Variants in NUDT3 observed in about 807,000 individuals in gnomAD.
NUDT3 encodes nudix hydrolase 3.
NUDT3 carries 9 observed loss-of-function variants against 23.6 expected under a neutral mutation model. The observed-to-expected ratio is 0.38, with a 90% CI of 0.23 to 0.66. NUDT3 has a LOEUF of 0.66. NUDT3 is among the 30% of genes least tolerant of loss of function. The pLI, the probability that NUDT3 is intolerant of heterozygous loss-of-function variation, is 0.52. For missense variants in NUDT3, 172 were observed against 218.5 expected (o/e 0.79, Z 1.34); for synonymous variants, 86 against 82.6 (o/e 1.04, Z -0.22).
At chr6:34,333,530 C>T (rs968901053) in intron 2 of NUDT3, among the ~76,000 whole-genome samples, 6 of 152,154 alleles carry the variant, frequency 3.9e-5, no homozygotes, top group East Asian at 1.9e-4. Flanking sequence ...GTGTCGGGGA[C>T]GAAAGATGTC....
At chr6:34,310,608 C>G (rs1006737331) in intron 2 of NUDT3, among the ~76,000 whole-genome samples, 1 of 152,176 alleles carries the variant, frequency 6.6e-6, no homozygotes. Flanking sequence ...AGATGGGCCA[C>G]TGGTGAATTC....
At chr6:34,293,884 G>T (rs1288991289) in intron 3 of NUDT3, among the ~76,000 whole-genome samples, 2 of 152,056 alleles carry the variant, frequency 1.3e-5, no homozygotes, top group Non-Finnish European at 2.9e-5. Flanking sequence ...TACCACAGAG[G>T]TCTCAAACTT....
chr6:34,388,963 A>G (rs1187349338), intron 1 of NUDT3, among the ~76,000 whole-genome samples: 1 of 152,220 alleles, frequency 6.6e-6, no homozygotes, highest in Non-Finnish European at 1.5e-5. Flanking sequence ...ACTCATTTTA[A>G]CAGTTTAAAA....
At chr6:34,354,784 T>G (rs1448122888) in intron 1 of NUDT3, among the ~76,000 whole-genome samples, 1 of 148,034 alleles carries the variant, frequency 6.8e-6, no homozygotes, top group Non-Finnish European at 1.5e-5. Flanking sequence ...TTATTTTATA[T>G]TTGTATACTT....
At position 34,282,615 on chromosome 6, in the gene NUDT3, A is replaced by T. The variant is rs1763291606; in HGVS notation, c.*6138T>A. 6.6e-6 allele frequency: 1 copy of T among 152,206 alleles called. No homozygotes were observed. The highest frequency in any genetic ancestry group is 6.5e-5 in the Admixed American group (1 of 15,284). The allele number at this position is 152,206 out of a possible 1,614,324, so 9.4% of individuals were successfully genotyped here. A position where few individuals can be genotyped will look rare whatever the true frequency, so the allele number is the denominator to read the frequency against. On this transcript the variant is annotated 3_prime_UTR_variant, in exon 5 of 5. Coordinates refer to ENST00000607016, the MANE Select transcript of NUDT3 (RefSeq NM_006703.4). ...AGATAATTATTCTATACAAGAATTA[A>T]TGTTCTCTGAAACAGTGATTAATAG...
chr6:34,335,752 G>GTT (rs776418517), intron 2 of NUDT3, among the ~76,000 whole-genome samples: 3 of 141,434 alleles, frequency 2.1e-5, no homozygotes, highest in Admixed American at 7.1e-5. Flanking sequence ...AAAATGCTGT[G>GTT]TTTTTTTTTT....
intron 1 of NUDT3, among the ~76,000 whole-genome samples, chr6:34,344,602 GA>G (rs1467266236): frequency 3.3e-5 from 5 of 152,266 alleles, no homozygotes; most frequent in Admixed American, 3.3e-4. Flanking sequence ...TGGGGAAAAT[GA>G]AAGTATTCAG....
At chr6:34,341,996 G>C (rs761308721) in intron 1 of NUDT3, 24 bp from the exon 2 acceptor site, 2 of 1,596,030 alleles carry the variant, frequency 1.3e-6, no homozygotes, top group Admixed American at 1.7e-5. Flanking sequence ...AAGGTTGCAT[G>C]GGGGGGTTAA....
chr6:34,338,402 G>A (rs181489714), intron 2 of NUDT3, among the ~76,000 whole-genome samples: 42 of 152,174 alleles, frequency 2.8e-4, no homozygotes, highest in African/African-American at 9.4e-4. Context: ...ACAAGCCCCC[G>A]GCATGCCGTA....
chr6:34,350,522 G>C (rs778187127), intron 1 of NUDT3, among the ~76,000 whole-genome samples: 2 of 150,942 alleles, frequency 1.3e-5, no homozygotes, highest in Non-Finnish European at 2.9e-5. Flanking sequence ...CTGTCACAAA[G>C]TCTTGTGCAT....
rs1265426935 is a variant in NUDT3, at chr6:34,349,925, C to T, written c.100-7953G>A. ...TTAAAACGGTGAAACCCCGTCTCTA[C>T]TAAAAACACAAAAAATGAGCCAGGC... On this transcript the variant is annotated intron_variant, in intron 1 of 4. Coordinates refer to ENST00000607016, the MANE Select transcript of NUDT3 (RefSeq NM_006703.4). 2.0e-5 allele frequency among the ~76,000 whole-genome samples: 3 copies of T among 150,108 alleles called. 1 individual carries two copies. Among genetic ancestry groups the T allele is most frequent in the Non-Finnish European group, 4.4e-5 (3 of 67,652 alleles).
At chr6:34,339,880 C>T (rs138610383) in intron 2 of NUDT3, among the ~76,000 whole-genome samples, 19 of 152,260 alleles carry the variant, frequency 1.2e-4, no homozygotes, top group Non-Finnish European at 2.5e-4. Context: ...CTCTTATTGG[C>T]CATGCTTTTA....
At chr6:34,375,021 T>C (rs186203271) in intron 1 of NUDT3, among the ~76,000 whole-genome samples, 2 of 152,214 alleles carry the variant, frequency 1.3e-5, no homozygotes, top group East Asian at 3.9e-4. Flanking sequence ...CAATATAAAT[T>C]CCACCTCCTT....
chr6:34,362,501 T>C (rs1331213828), intron 1 of NUDT3, among the ~76,000 whole-genome samples: 1 of 152,116 alleles, frequency 6.6e-6, no homozygotes, highest in Non-Finnish European at 1.5e-5. Context: ...TTTTAAATTA[T>C]ATGCTAGATT....
At chr6:34,373,654 T>C (rs1489285411) in intron 1 of NUDT3, among the ~76,000 whole-genome samples, 1 of 152,156 alleles carries the variant, frequency 6.6e-6, no homozygotes, top group African/African-American at 2.4e-5. Flanking sequence ...GTGCCAAAAA[T>C]ATCCATGTTT....
intron 2 of NUDT3, among the ~76,000 whole-genome samples, chr6:34,340,305 A>G (rs928568495): frequency 6.6e-6 from 1 of 152,222 alleles, no homozygotes; most frequent in Non-Finnish European, 1.5e-5. Context: ...AGTAAGGGGC[A>G]TAATATTATT....
chr6:34,388,753 C>T (rs1007891522), intron 1 of NUDT3, among the ~76,000 whole-genome samples: 1 of 152,176 alleles, frequency 6.6e-6, no homozygotes, highest in African/African-American at 2.4e-5. Context: ...CTCTTTAATA[C>T]ATGCTTTTTG....
intron 2 of NUDT3, among the ~76,000 whole-genome samples, chr6:34,340,054 G>C (rs1263184580): frequency 1.3e-5 from 2 of 152,088 alleles, no homozygotes; most frequent in African/African-American, 4.8e-5. Flanking sequence ...GGACCCTTTG[G>C]GGAAAATTTC....
At chr6:34,314,160 T>A (rs1268447616) in intron 2 of NUDT3, among the ~76,000 whole-genome samples, 1 of 147,524 alleles carries the variant, frequency 6.8e-6, no homozygotes, top group African/African-American at 2.5e-5. Flanking sequence ...CGGTGGCTCA[T>A]GCCTATAATC....
Sources: allele counts gnomAD v4.1 joint callset (sites outside exome capture counted in the v4.1 genomes callset), GRCh38; gene constraint gnomAD v4.1.1; transcripts MANE v1.5; gene names NCBI Gene and HGNC (gene_info 2026-07-23, HGNC 2026-07-21).